Variants in RIC1 observed in about 807,000 individuals in gnomAD.
The protein encoded by RIC1 is guanine nucleotide exchange factor subunit RIC1.
Under a neutral mutation model 169.0 loss-of-function variants are expected in RIC1, and 88 were observed. That is an observed-to-expected ratio of 0.52 (90% confidence interval 0.44 to 0.62). The LOEUF (loss-of-function observed/expected upper bound fraction) is 0.62. RIC1 is among the 20% of genes least tolerant of loss of function. RIC1 has a pLI of 0.00. For synonymous variants in RIC1, 790 were observed against 601.5 expected (o/e 1.31, Z -4.59); for missense variants, 1,877 against 1,725.5 (o/e 1.09, Z -1.56).
In RIC1 at chr9:5,762,585, C is replaced by T; in HGVS notation, c.2037C>T (p.Leu679=). 1 of 1,613,966 alleles carries T rather than the reference C, an allele frequency of 6.2e-7. No homozygotes were observed. The highest frequency in any genetic ancestry group is 8.5e-7 in the Non-Finnish European group (1 of 1,179,906). Residue 679 remains leucine, a synonymous_variant, in exon 18 of 26, where the codon CTC becomes CTT. Transcript: ENST00000414202. ...TTATGTTAAACCTGGCAGGACAGCTCATCATGATGCAGAGGGACAGGTCAG... is the reference window on the plus strand; with the variant it reads ...TTATGTTAAACCTGGCAGGACAGCTTATCATGATGCAGAGGGACAGGTCAG... ...ESIMLNLAGQ[L]IMMQRDRSGP...
intron 3 of RIC1, among the ~76,000 whole-genome samples, chr9:5,709,079 C>G (rs1213576438): frequency 2.0e-5 from 3 of 152,114 alleles, no homozygotes; most frequent in Admixed American, 6.6e-5. Flanking sequence ...CTTAAATCAT[C>G]ACAGTAGAGG....
In RIC1 at chr9:5,747,420, G is replaced by A. The variant is rs147403256; in HGVS notation, c.1367G>A (p.Arg456Gln). 22 of 1,613,960 alleles carry A rather than the reference G, an allele frequency of 1.4e-5. 1 individual carries two copies. The highest frequency in any genetic ancestry group is 8.0e-5 in the African/African-American group (6 of 74,920). The change falls in exon 12 of 26, where the codon CGA (arginine) becomes CAA (glutamine). Residue 456 changes from arginine (R) to glutamine (Q), a missense_variant. By Grantham distance (43) the Arg-to-Gln change is conservative. Transcript: ENST00000414202. ...ACACACTCTGAGCATAAGCCCAGTC[G>A]AGAAAAGAGCCCATTTGCAGATGGA... ...SSTHSEHKPS[R>Q]EKSPFADGGL...
intron 2 of RIC1, among the ~76,000 whole-genome samples, chr9:5,667,934 ATTAG>A (rs1819878021): frequency 6.6e-6 from 1 of 152,180 alleles, no homozygotes; most frequent in Admixed American, 6.5e-5. Flanking sequence ...AATTTACTGT[ATTAG>A]TTCTTTCTCA....
chr9:5,678,197 A>G (rs1311069146), intron 2 of RIC1, among the ~76,000 whole-genome samples: 4 of 152,146 alleles, frequency 2.6e-5, no homozygotes, highest in African/African-American at 7.2e-5. Flanking sequence ...TTATGGCTGC[A>G]TAGTATTCCA....
At chr9:5,647,832 G>C (rs926699574) in intron 1 of RIC1, among the ~76,000 whole-genome samples, 6 of 152,058 alleles carry the variant, frequency 3.9e-5, no homozygotes, top group African/African-American at 1.2e-4. Flanking sequence ...TGACCTTTGA[G>C]GAAAAGCTTT....
downstream of RIC1, chr9:5,776,648 A>G (rs1827604860): frequency 6.6e-6 from 1 of 152,040 alleles, no homozygotes; most frequent in African/African-American, 2.4e-5. Context: ...TTATGAAATG[A>G]AATTCAGACA....
intron 3 of RIC1, among the ~76,000 whole-genome samples, chr9:5,697,549 T>C (rs1049319118): frequency 4.6e-5 from 7 of 152,056 alleles, no homozygotes; most frequent in African/African-American, 1.7e-4. Flanking sequence ...ACATCCAAGA[T>C]ATCATTATTT....
downstream of RIC1, among the ~76,000 whole-genome samples, chr9:5,778,069 C>A (rs79369321): frequency 6.6e-5 from 10 of 152,100 alleles, no homozygotes; most frequent in Admixed American, 1.3e-4. Flanking sequence ...CCATATTAAG[C>A]CTTCCAGTCC....
chr9:5,759,951 G>T (rs1826228842), intron 17 of RIC1, among the ~76,000 whole-genome samples: 1 of 152,144 alleles, frequency 6.6e-6, no homozygotes, highest in African/African-American at 2.4e-5. Flanking sequence ...GCAACCAGTG[G>T]CATCAGTAGT....
At chr9:5,714,502 A>G (rs1823119844) in intron 4 of RIC1, among the ~76,000 whole-genome samples, 1 of 152,198 alleles carries the variant, frequency 6.6e-6, no homozygotes, top group Non-Finnish European at 1.5e-5. Flanking sequence ...AATCTTACCT[A>G]CAATTTGGCT....
chr9:5,710,955 G>A (rs927390999), intron 3 of RIC1, among the ~76,000 whole-genome samples: 1 of 152,150 alleles, frequency 6.6e-6, no homozygotes, highest in East Asian at 1.9e-4. Flanking sequence ...ACTAGGAGTT[G>A]TAGAAAGAGA....
At position 5,772,992 on chromosome 9, in the gene RIC1, A is replaced by G; in HGVS notation, c.3895A>G (p.Ile1299Val). The change falls in exon 25 of 26, where the codon ATT becomes GTT. Residue 1299 changes from isoleucine (I) to valine (V), a missense_variant. Ile to Val is a conservative substitution (Grantham distance 29). Around this residue, in one of 3 missense-constraint regions of RIC1, gnomAD observed 681 missense variants for 582.0 expected, o/e 1.17. Coordinates refer to ENST00000414202, the MANE Select transcript of RIC1 (RefSeq NM_020829.4). ...CTCAATAATCAATCAGATTTTGGTT[A>G]TTACACAGTCTTCAGAGGTAGATGG... ...ESSIINQILV[I>V]TQSSEVDGEM... 1 of 1,613,756 alleles carries G rather than the reference A, an allele frequency of 6.2e-7. No homozygotes were observed. Among genetic ancestry groups the G allele is most frequent in the Non-Finnish European group, 8.5e-7 (1 of 1,179,776 alleles).
chr9:5,670,243 C>G (rs951104808), intron 2 of RIC1, among the ~76,000 whole-genome samples: 1 of 152,126 alleles, frequency 6.6e-6, no homozygotes, highest in Non-Finnish European at 1.5e-5. Flanking sequence ...TTTCTTCAAC[C>G]CTATGTAACT....
In RIC1 at chr9:5,646,438, C is replaced by T. The variant is rs188378319; in HGVS notation, c.145-10145C>T. Among the ~76,000 whole-genome samples the T allele has an allele frequency of 1.2e-4, 18 of 152,248 alleles. No individual in the cohort carries two copies. In the East Asian group the frequency reaches 3.3e-3, roughly 28 times the overall value. On this transcript the variant is annotated intron_variant, in intron 1 of 25. Coordinates refer to ENST00000414202, the MANE Select transcript of RIC1 (RefSeq NM_020829.4). ...ATTCTAATGGAGCTGAAAAATTCTT[C>T]TTGCCTAGTGACAATAGAAATTTTA...
chr9:5,629,288 C>A lies in RIC1; in HGVS notation c.-22C>A, dbSNP rs1333287263. ...TGAGTGTGACGGACGCAACTGGGGG[C>A]GCCGGGGGCTCCGCACGGACCATGT... On this transcript the variant is annotated 5_prime_UTR_variant, in exon 1 of 26. Coordinates refer to ENST00000414202, the MANE Select transcript of RIC1 (RefSeq NM_020829.4). 6.8e-7 allele frequency: 1 copy of A among 1,469,094 alleles called. No individual in the cohort carries two copies. 91.0% of individuals were successfully genotyped at this position (1,469,094 alleles called of 1,614,324 possible).
intron 21 of RIC1, among the ~76,000 whole-genome samples, chr9:5,767,490 T>TA (rs1826860295): frequency 6.6e-6 from 1 of 151,850 alleles, no homozygotes; most frequent in South Asian, 2.1e-4. Flanking sequence ...TTTTTTTTTT[T>TA]TTCCCCAGGA....
At chr9:5,688,123 T>C (rs529818514) in intron 2 of RIC1, among the ~76,000 whole-genome samples, 20 of 152,354 alleles carry the variant, frequency 1.3e-4, no homozygotes, top group African/African-American at 4.8e-4. Context: ...TTATGAAATA[T>C]AGCAAAAGGT....
chr9:5,691,306 T>G (rs142524557), intron 3 of RIC1, among the ~76,000 whole-genome samples: 276 of 152,046 alleles, frequency 1.8e-3, no homozygotes, highest in African/African-American at 6.2e-3. Context: ...GTACAAATAT[T>G]TATAGTAATT....
At chr9:5,657,929 A>G (rs979993067) in intron 2 of RIC1, among the ~76,000 whole-genome samples, 2 of 152,130 alleles carry the variant, frequency 1.3e-5, no homozygotes, top group African/African-American at 2.4e-5. Flanking sequence ...TGGGGCACGA[A>G]AATCCTCACT....
Sources: allele counts gnomAD v4.1 joint callset (sites outside exome capture counted in the v4.1 genomes callset), GRCh38; gene constraint gnomAD v4.1.1; regional missense constraint gnomAD v4.1.1; transcripts MANE v1.5; gene names NCBI Gene and HGNC (gene_info 2026-07-23, HGNC 2026-07-21).